PTPRD: variants seen among roughly 807,000 people sequenced by gnomAD.
PTPRD encodes the protein receptor-type tyrosine-protein phosphatase delta.
PTPRD carries 34 observed loss-of-function variants against 214.5 expected under a neutral mutation model. The ratio of observed to expected loss-of-function variants is 0.16; its 90% CI spans 0.12 to 0.21. PTPRD has a LOEUF of 0.21. Ranked by LOEUF, PTPRD falls within the 10% of genes least tolerant of loss-of-function variation. PTPRD has a pLI of 1.00. For missense variants in PTPRD, 2,545 were observed against 2,398.7 expected, an observed-to-expected ratio of 1.06 and a Z score of -1.27; for synonymous variants, 1,128 against 845.7, an observed-to-expected ratio of 1.33 and a Z score of -5.79.
intron 3 of PTPRD, among the ~76,000 whole-genome samples, chr9:10,278,004 C>T (rs974020452): frequency 6.6e-6 from 1 of 151,972 alleles, no homozygotes; most frequent in African/African-American, 2.4e-5. Flanking sequence ...ACTAAAAATA[C>T]AAAAAATTGG....
At chr9:9,149,620 C>A (rs2099874637) in intron 10 of PTPRD, among the ~76,000 whole-genome samples, 1 of 152,212 alleles carries the variant, frequency 6.6e-6, no homozygotes, top group Non-Finnish European at 1.5e-5. Flanking sequence ...ATCCCGGCTT[C>A]ATCCCAATCC....
intron 5 of PTPRD, among the ~76,000 whole-genome samples, chr9:9,840,761 CAAAAAAAAAAAAAAAAAAAAAAAAAAAA>C (rs59780411): frequency 2.9e-4 from 18 of 61,622 alleles, no homozygotes; most frequent in African/African-American, 1.3e-3. Flanking sequence ...GACTCCGTTT[CAAAAAAAAAAAAAAAAAAAAAAAAAAAA>C]AAAAAAAAAA....
intron 3 of PTPRD, among the ~76,000 whole-genome samples, chr9:10,109,956 T>G (rs929480947): frequency 6.6e-6 from 1 of 151,210 alleles, no homozygotes; most frequent in African/African-American, 2.4e-5. Flanking sequence ...TGCCAATGTT[T>G]TATGCCAAAA....
chr9:9,967,650 T>C (rs543320322), intron 4 of PTPRD, among the ~76,000 whole-genome samples: 29 of 152,308 alleles, frequency 1.9e-4, no homozygotes, highest in African/African-American at 6.7e-4. Context: ...GAATTAAAAG[T>C]TGTATTAGGA....
intron 3 of PTPRD, among the ~76,000 whole-genome samples, chr9:10,037,580 GAAAA>G (rs376794277): frequency 1.9e-4 from 16 of 83,136 alleles, no homozygotes; most frequent in Admixed American, 6.1e-4. Flanking sequence ...TATAGCAGTG[GAAAA>G]AAAAAAAAAA....
chr9:8,477,858 G>C (rs2096796416), intron 30 of PTPRD, among the ~76,000 whole-genome samples: 1 of 152,252 alleles, frequency 6.6e-6, no homozygotes, highest in African/African-American at 2.4e-5. Flanking sequence ...CACAGAGGCA[G>C]GGCTGTGGTT....
chr9:8,625,273 A>G (rs1192267396), intron 14 of PTPRD, among the ~76,000 whole-genome samples: 1 of 151,870 alleles, frequency 6.6e-6, no homozygotes, highest in Non-Finnish European at 1.5e-5. Flanking sequence ...ATAAATATTG[A>G]TAGTTAATAA....
At chr9:10,272,813 A>T (rs1382459630) in intron 3 of PTPRD, among the ~76,000 whole-genome samples, 2 of 152,164 alleles carry the variant, frequency 1.3e-5, no homozygotes, top group African/African-American at 4.8e-5. Context: ...TTAAAATTCT[A>T]ATATATGGTT....
chr9:9,797,243 G>GATTTTT (rs2099008476), intron 5 of PTPRD, among the ~76,000 whole-genome samples: 1 of 98,100 alleles, frequency 1.0e-5, no homozygotes, highest in African/African-American at 4.0e-5. Flanking sequence ...ATTTCAGGCA[G>GATTTTT]TTTTTTTTTT....
At chr9:8,677,232 C>T (rs1279220624) in intron 12 of PTPRD, among the ~76,000 whole-genome samples, 2 of 152,138 alleles carry the variant, frequency 1.3e-5, no homozygotes, top group African/African-American at 4.8e-5. Flanking sequence ...ACATTTATCA[C>T]AGCATTATTC....
chr9:9,401,926 C>A (rs762776355), intron 8 of PTPRD, among the ~76,000 whole-genome samples: 5 of 151,966 alleles, frequency 3.3e-5, no homozygotes, highest in Non-Finnish European at 7.4e-5. Flanking sequence ...TGAGGCCTCC[C>A]AAGCCAAGCA....
At chr9:10,153,148 G>A (rs1359370150) in intron 3 of PTPRD, among the ~76,000 whole-genome samples, 1 of 152,068 alleles carries the variant, frequency 6.6e-6, no homozygotes, top group Admixed American at 6.6e-5. Flanking sequence ...AAGTTGTTGA[G>A]AGTAGATTTT....
intron 8 of PTPRD, among the ~76,000 whole-genome samples, chr9:9,450,089 T>G (rs528143972): frequency 7.0e-6 from 1 of 142,968 alleles, no homozygotes; most frequent in African/African-American, 2.6e-5. Context: ...CTGAGTAGTA[T>G]TCCATGGTGT....
At chr9:9,813,710 C>A (rs1193331776) in intron 5 of PTPRD, among the ~76,000 whole-genome samples, 1 of 151,986 alleles carries the variant, frequency 6.6e-6, no homozygotes, top group Non-Finnish European at 1.5e-5. Context: ...AAAAGCAGTC[C>A]TTTTCAAACT....
intron 12 of PTPRD, among the ~76,000 whole-genome samples, chr9:8,663,410 G>A (rs1262142090): frequency 6.6e-6 from 1 of 150,882 alleles, no homozygotes; most frequent in Non-Finnish European, 1.5e-5. Context: ...CACTGTCACT[G>A]AATGTTAGGT....
chr9:8,651,680 C>T (rs911572797), intron 12 of PTPRD, among the ~76,000 whole-genome samples: 1 of 152,086 alleles, frequency 6.6e-6, no homozygotes, highest in African/African-American at 2.4e-5. Context: ...AACACATACA[C>T]ACTACAAATT....
At chr9:10,291,183 T>C (rs188366079) in intron 3 of PTPRD, among the ~76,000 whole-genome samples, 3 of 152,160 alleles carry the variant, frequency 2.0e-5, no homozygotes, top group African/African-American at 7.2e-5. Context: ...GGGCCTTTTC[T>C]CTTCCACTGA....
At chr9:8,749,149 G>T (rs1261876300) in intron 11 of PTPRD, among the ~76,000 whole-genome samples, 1 of 151,972 alleles carries the variant, frequency 6.6e-6, no homozygotes, top group East Asian at 1.9e-4. Context: ...AATAATTAGG[G>T]GCCCATTGCC....
intron 7 of PTPRD, among the ~76,000 whole-genome samples, chr9:9,577,701 T>C (rs1261745169): frequency 1.3e-5 from 2 of 152,178 alleles, no homozygotes; most frequent in East Asian, 1.9e-4. Flanking sequence ...GTTAGAGTTT[T>C]ATCCTTGATA....
Sources: allele counts gnomAD v4.1 joint callset (sites outside exome capture counted in the v4.1 genomes callset), GRCh38; gene constraint gnomAD v4.1.1; transcripts MANE v1.5; gene names NCBI Gene and HGNC (gene_info 2026-07-23, HGNC 2026-07-21).